The following ATP2B1 variants were observed in gnomAD, a reference collection of about 807,000 sequenced individuals.
ATP2B1 encodes the protein ATPase plasma membrane Ca2+ transporting 1.
ATP2B1 carries 14 observed loss-of-function variants against 124.2 expected under a neutral mutation model. The observed-to-expected ratio is 0.11, with a 90% CI of 0.07 to 0.18. The LOEUF (loss-of-function observed/expected upper bound fraction) is 0.18, where lower values mean the gene tolerates loss of function less well. ATP2B1 is among the 10% of genes least tolerant of loss of function. ATP2B1 has a pLI of 1.00. For missense variants in ATP2B1, 763 were observed against 1,466.1 expected, an observed-to-expected ratio of 0.52 and a Z score of 7.83; for synonymous variants, 449 against 492.4, an observed-to-expected ratio of 0.91 and a Z score of 1.17.
chr12:89,665,042 G>A (rs1328373850), intron 1 of ATP2B1, among the ~76,000 whole-genome samples: 3 of 152,004 alleles, frequency 2.0e-5, no homozygotes, highest in Non-Finnish European at 4.4e-5. Flanking sequence ...TGTTGGTCAG[G>A]ATAGTCTCGA....
chr12:89,671,776 T>TTTG (rs768294465), intron 1 of ATP2B1, among the ~76,000 whole-genome samples: 19 of 150,988 alleles, frequency 1.3e-4, no homozygotes, highest in Non-Finnish European at 2.4e-4. Flanking sequence ...AGGCAGTTTT[T>TTTG]TTTTTTTTTT....
chr12:89,676,960 C>G (rs1029964634), intron 1 of ATP2B1, among the ~76,000 whole-genome samples: 5 of 152,046 alleles, frequency 3.3e-5, no homozygotes, highest in Non-Finnish European at 1.5e-5. Context: ...TCTGTAGGAA[C>G]TTGTATGCAT....
intron 1 of ATP2B1, among the ~76,000 whole-genome samples, chr12:89,707,662 G>A (rs909782108): frequency 6.6e-6 from 1 of 152,138 alleles, no homozygotes; most frequent in Non-Finnish European, 1.5e-5. Flanking sequence ...AACCCACCCG[G>A]ACGCCCTGCC....
At position 89,669,284 on chromosome 12, in the gene ATP2B1, C is replaced by G. The variant is rs557843562; in HGVS notation, c.-221-13177G>C. Among the ~76,000 whole-genome samples the G allele has an allele frequency of 5.3e-5, 8 of 152,292 alleles. No individual in the cohort carries two copies. The South Asian group carries it at 1.7e-3, about 32-fold the overall frequency. On this transcript the variant is annotated intron_variant, in intron 1 of 20. Coordinates refer to ENST00000428670, the MANE Select transcript of ATP2B1 (RefSeq NM_001366521.1). ...CCACAGAAACTGCTCAACACAGGGT[C>G]ACTTAACGGAACTGCAGAACGTGGC...
In ATP2B1 at chr12:89,611,202, T is replaced by C; in HGVS notation, c.2238A>G (p.Glu746=). 6.3e-7 allele frequency: 1 copy of C among 1,585,298 alleles called. No individual in the cohort carries two copies. Among genetic ancestry groups the C allele is most frequent in the Non-Finnish European group, 8.5e-7 (1 of 1,172,438 alleles). ...GKDFNRRIRN[E]KGEIEQERID... ...AATAATAAATCTTTACCTCTCCTTTTTCATTTCGTATTCTTCTGTTAAAAT... is the reference window on the plus strand; with the variant it reads ...AATAATAAATCTTTACCTCTCCTTTCTCATTTCGTATTCTTCTGTTAAAAT... Residue 746 remains glutamate, a synonymous_variant, in exon 13 of 21, where the codon GAA becomes GAG. Coordinates refer to ENST00000428670, the MANE Select transcript of ATP2B1 (RefSeq NM_001366521.1).
chr12:89,632,497 C>G (rs530150089), intron 5 of ATP2B1, among the ~76,000 whole-genome samples: 2 of 152,242 alleles, frequency 1.3e-5, no homozygotes, highest in Admixed American at 1.3e-4. Flanking sequence ...TTTCTTTTAA[C>G]AATTCTGGTT....
intron 5 of ATP2B1, among the ~76,000 whole-genome samples, chr12:89,633,795 A>G (rs1882273300): frequency 6.6e-6 from 1 of 152,114 alleles, no homozygotes; most frequent in Non-Finnish European, 1.5e-5. Flanking sequence ...ATCTATCAAC[A>G]CCTGACAATG....
chr12:89,632,664 C>A (rs1882056349), intron 5 of ATP2B1, among the ~76,000 whole-genome samples: 1 of 152,008 alleles, frequency 6.6e-6, no homozygotes, highest in African/African-American at 2.4e-5. Context: ...CTTAAGAAGC[C>A]AAGAACAGCA....
intron 13 of ATP2B1, chr12:89,610,750 A>C: frequency 2.2e-6 from 1 of 444,744 alleles, no homozygotes; most frequent in Non-Finnish European, 4.0e-6. Flanking sequence ...ATGCATACTC[A>C]AGTTTAAAAG....
chr12:89,686,985 C>G (rs908221627), intron 1 of ATP2B1, among the ~76,000 whole-genome samples: 1 of 151,876 alleles, frequency 6.6e-6, no homozygotes, highest in African/African-American at 2.4e-5. Context: ...TGTATCCAAC[C>G]AACCACGAAT....
intron 12 of ATP2B1, among the ~76,000 whole-genome samples, chr12:89,616,227 C>G (rs991086414): frequency 1.3e-5 from 2 of 151,660 alleles, no homozygotes; most frequent in Non-Finnish European, 2.9e-5. Flanking sequence ...GTTCAACAAA[C>G]TTAAAAAAGG....
chr12:89,672,014 T>A (rs993951590), intron 1 of ATP2B1, among the ~76,000 whole-genome samples: 3 of 152,158 alleles, frequency 2.0e-5, no homozygotes, highest in Non-Finnish European at 2.9e-5. Flanking sequence ...CTCAGTATCA[T>A]CATTAGCAAT....
intron 1 of ATP2B1, among the ~76,000 whole-genome samples, chr12:89,687,704 A>AT (rs1890120372): frequency 6.6e-6 from 1 of 152,116 alleles, no homozygotes; most frequent in Non-Finnish European, 1.5e-5. Context: ...AGATACTAAT[A>AT]TTTTGGGATT....
At chr12:89,608,439 G>C (rs1047490521) in intron 15 of ATP2B1, among the ~76,000 whole-genome samples, 12 of 151,680 alleles carry the variant, frequency 7.9e-5, no homozygotes, top group African/African-American at 2.7e-4. Flanking sequence ...GCCTCCCAAA[G>C]TGCTGGGATT....
chr12:89,663,546 A>C (rs1017767906), intron 1 of ATP2B1, among the ~76,000 whole-genome samples: 1 of 152,160 alleles, frequency 6.6e-6, no homozygotes, highest in Non-Finnish European at 1.5e-5. Flanking sequence ...AATGAATACA[A>C]TCTTACCCAG....
chr12:89,621,811 A>G lies in ATP2B1; in HGVS notation c.1345-20T>C. 1 of 1,520,392 alleles carries G rather than the reference A, an allele frequency of 6.6e-7. No homozygotes were observed. The highest frequency in any genetic ancestry group is 1.8e-4 in the Middle Eastern group (1 of 5,662). 94.2% of individuals were successfully genotyped at this position (1,520,392 alleles called of 1,614,324 possible). On this transcript the variant is annotated intron_variant, in intron 9 of 20. Transcript: ENST00000428670. ...CATTTTCTACAGTGACCAAAAAAAA[A>G]AAACTAGTTAAGCTGCATATAAAAC...
intron 19 of ATP2B1, 95 bp from the exon 20 acceptor site, chr12:89,599,394 A>G (rs976787044): frequency 2.3e-5 from 30 of 1,318,940 alleles, no homozygotes; most frequent in African/African-American, 2.9e-5. Flanking sequence ...TGGTGAGAGT[A>G]TCCGACTATC....
intron 20 of ATP2B1, among the ~76,000 whole-genome samples, chr12:89,591,941 T>C (rs1429226788): frequency 6.6e-6 from 1 of 152,116 alleles, no homozygotes; most frequent in African/African-American, 2.4e-5. Context: ...AGTGTTTTTC[T>C]CTGTAACAGA....
At chr12:89,694,327 CTA>C (rs1890877332) in intron 1 of ATP2B1, among the ~76,000 whole-genome samples, 1 of 152,190 alleles carries the variant, frequency 6.6e-6, no homozygotes, top group Admixed American at 6.5e-5. Context: ...CCACTATAAT[CTA>C]TGACTTTTAA....
Sources: gnomAD v4.1 joint callset for allele counts (sites outside exome capture counted in the v4.1 genomes callset) on GRCh38, gnomAD v4.1.1 for gene constraint, MANE v1.5 for transcripts, NCBI Gene and HGNC (gene_info 2026-07-23, HGNC 2026-07-21) for gene names.